Variants in LRP1B observed in about 807,000 individuals in gnomAD.
LRP1B encodes LDL receptor related protein 1B.
A neutral mutation model predicts 556.6 loss-of-function variants in LRP1B; 217 were observed. The observed-to-expected ratio is 0.39, with a 90% CI of 0.35 to 0.44. LRP1B has a LOEUF of 0.44. LRP1B is among the 20% of genes least tolerant of loss of function. LRP1B has a pLI of 1.00. For missense variants in LRP1B, 5,053 were observed against 5,620.8 expected (o/e 0.90, Z 3.23); for synonymous variants, 2,047 against 1,865.8 (o/e 1.10, Z -2.50).
At chr2:141,698,366 C>T (rs1006432259) in intron 2 of LRP1B, among the ~76,000 whole-genome samples, 12 of 151,546 alleles carry the variant, frequency 7.9e-5, no homozygotes, top group African/African-American at 2.9e-4. Flanking sequence ...GCTCAGAAAA[C>T]CAACAGCAGG....
chr2:140,838,479 G>A (rs115598361), intron 31 of LRP1B, among the ~76,000 whole-genome samples: 2 of 152,080 alleles, frequency 1.3e-5, no homozygotes, highest in African/African-American at 4.8e-5. Context: ...CATTTTATAT[G>A]AGAGGTTTAT....
chr2:142,056,637 T>C (rs1394130956), intron 1 of LRP1B, among the ~76,000 whole-genome samples: 1 of 152,080 alleles, frequency 6.6e-6, no homozygotes, highest in Non-Finnish European at 1.5e-5. Flanking sequence ...TAAACATCCT[T>C]TCTATAAATA....
At chr2:140,600,579 A>G (rs1041578076) in intron 42 of LRP1B, among the ~76,000 whole-genome samples, 1 of 151,984 alleles carries the variant, frequency 6.6e-6, no homozygotes, top group African/African-American at 2.4e-5. Context: ...CACACCTAAA[A>G]CGAACTCTTC....
chr2:141,440,804 T>C (rs886865843), intron 3 of LRP1B, among the ~76,000 whole-genome samples: 3 of 152,336 alleles, frequency 2.0e-5, no homozygotes, highest in Non-Finnish European at 2.9e-5. Flanking sequence ...TGAAAAGTTA[T>C]GTTTGATTTT....
intron 3 of LRP1B, among the ~76,000 whole-genome samples, chr2:141,451,920 C>T (rs1573960408): frequency 1.3e-5 from 2 of 152,170 alleles, no homozygotes; most frequent in African/African-American, 4.8e-5. Context: ...TTCAGTTTTC[C>T]TTAGTGACCC....
chr2:141,896,355 A>T (rs1429093131), intron 1 of LRP1B, among the ~76,000 whole-genome samples: 1 of 152,204 alleles, frequency 6.6e-6, no homozygotes, highest in Non-Finnish European at 1.5e-5. Flanking sequence ...AATAAAAACA[A>T]ATCAACAATG....
rs2105016602 is a variant in LRP1B, at chr2:140,540,994, G to A, written c.7492C>T (p.Leu2498=). The stretch of plus-strand genomic sequence containing the variant: ...TTACTCACACATCTGTTGTCCTCTA[G>A]CAATATTCGGTCCCCTCTGCAGGAA... ...NCSCRGDRIL[L]EDNRCVTKNS... is the part of the protein sequence containing the mutation. Residue 2498 remains leucine, a synonymous_variant, in exon 45 of 91, where the codon CTA becomes TTA. Coordinates refer to ENST00000389484, the MANE Select transcript of LRP1B (RefSeq NM_018557.3). 6.2e-7 allele frequency: 1 copy of A among 1,610,676 alleles called. No homozygotes were observed. The highest frequency in any genetic ancestry group is 8.5e-7 in the Non-Finnish European group (1 of 1,177,936).
intron 1 of LRP1B, among the ~76,000 whole-genome samples, chr2:141,901,313 G>C (rs1431132196): frequency 1.3e-5 from 2 of 151,958 alleles, no homozygotes; most frequent in African/African-American, 4.8e-5. Flanking sequence ...TGAAAACAGA[G>C]AAGGCTGTGT....
chr2:141,483,475 G>C (rs62166340), intron 2 of LRP1B, among the ~76,000 whole-genome samples: 105,634 of 110,816 alleles, frequency 0.95, 51,106 homozygotes, highest in East Asian at 1. Flanking sequence ...TGGGTATATA[G>C]CCAGTAATGG....
At chr2:141,535,660 T>C (rs1437996563) in intron 2 of LRP1B, among the ~76,000 whole-genome samples, 1 of 151,940 alleles carries the variant, frequency 6.6e-6, no homozygotes, top group East Asian at 1.9e-4. Context: ...TCCTGGCAAA[T>C]AAACCACTCC....
chr2:140,716,864 G>A (rs779100338), intron 35 of LRP1B, 48 bp from the exon 36 acceptor site: 4 of 1,160,888 alleles, frequency 3.4e-6, no homozygotes, highest in Non-Finnish European at 4.9e-6. Flanking sequence ...CACTGTAAAA[G>A]GTATCAATAT....
chr2:140,336,489 G>A (rs1270354685), intron 77 of LRP1B, among the ~76,000 whole-genome samples: 1 of 151,546 alleles, frequency 6.6e-6, no homozygotes, highest in Non-Finnish European at 1.5e-5. Context: ...TTGATAGGAT[G>A]CTGCTAGAAA....
At chr2:140,410,915 C>T (rs1684946192) in intron 66 of LRP1B, among the ~76,000 whole-genome samples, 1 of 152,138 alleles carries the variant, frequency 6.6e-6, no homozygotes, top group Non-Finnish European at 1.5e-5. Flanking sequence ...AACCCTATGA[C>T]AGCTAGCAAA....
At chr2:141,757,561 C>G (rs752734649) in intron 2 of LRP1B, among the ~76,000 whole-genome samples, 7 of 150,902 alleles carry the variant, frequency 4.6e-5, no homozygotes, top group Non-Finnish European at 1.0e-4. Flanking sequence ...CAAACTATAA[C>G]TAATTTTTTT....
intron 2 of LRP1B, among the ~76,000 whole-genome samples, chr2:141,579,901 C>T (rs1344877906): frequency 1.3e-5 from 2 of 151,858 alleles, no homozygotes; most frequent in Non-Finnish European, 2.9e-5. Flanking sequence ...AGGGTTTCAC[C>T]GCATTAGCCA....
rs568244529 is a variant in LRP1B, at chr2:140,559,229, T to G, written c.7195-17258A>C. On this transcript the variant is annotated intron_variant, in intron 43 of 90. Coordinates refer to ENST00000389484, the MANE Select transcript of LRP1B (RefSeq NM_018557.3). ...CTGTTTTTTTTTAACAACCGAAAAT[T>G]TCCAAGCCTCCTAAATAACCAAGAT... is the stretch of plus-strand genomic sequence containing the variant. 6.7e-4 allele frequency among the ~76,000 whole-genome samples: 102 copies of G among 152,112 alleles called. 1 individual carries two copies. Among genetic ancestry groups the G allele is most frequent in the African/African-American group, 2.3e-3 (97 of 41,524 alleles).
intron 35 of LRP1B, among the ~76,000 whole-genome samples, chr2:140,745,425 G>A (rs1688283670): frequency 6.6e-6 from 1 of 151,742 alleles, no homozygotes; most frequent in Non-Finnish European, 1.5e-5. Flanking sequence ...ATTTGATTAG[G>A]CAACATTTTA....
At chr2:140,546,904 G>C (rs1680361634) in intron 43 of LRP1B, among the ~76,000 whole-genome samples, 1 of 152,042 alleles carries the variant, frequency 6.6e-6, no homozygotes, top group African/African-American at 2.4e-5. Context: ...CATCTATTGA[G>C]ATAATCATGT....
intron 2 of LRP1B, among the ~76,000 whole-genome samples, chr2:141,495,942 AAC>A (rs542774397): frequency 1.6e-3 from 240 of 152,234 alleles, no homozygotes; most frequent in African/African-American, 5.2e-3. Context: ...CACAGTATTT[AAC>A]ACAGAAAGAG....
Sources: gnomAD v4.1 joint callset for allele counts (sites outside exome capture counted in the v4.1 genomes callset) on GRCh38, gnomAD v4.1.1 for gene constraint, MANE v1.5 for transcripts, NCBI Gene and HGNC (gene_info 2026-07-23, HGNC 2026-07-21) for gene names.